The following CNTNAP2 variants were observed in gnomAD, a reference collection of about 807,000 sequenced individuals.
CNTNAP2 encodes contactin-associated protein-like 2.
CNTNAP2 carries 98 observed loss-of-function variants against 155.2 expected under a neutral mutation model. The observed-to-expected ratio is 0.63, with a 90% CI of 0.54 to 0.75. The LOEUF is 0.75. CNTNAP2 is among the 30% of genes least tolerant of loss of function. The pLI is 0.00. For synonymous variants in CNTNAP2, 651 were observed against 631.2 expected (o/e 1.03, Z -0.47); for missense variants, 1,727 against 1,688.1 (o/e 1.02, Z -0.40).
At chr7:147,397,769 A>ATT (rs1796843830) in intron 10 of CNTNAP2, among the ~76,000 whole-genome samples, 2 of 131,016 alleles carry the variant, frequency 1.5e-5, no homozygotes, top group East Asian at 4.2e-4. Flanking sequence ...AGATACACAA[A>ATT]ATTTTTTTTT....
chr7:147,666,129 C>T (rs1300590228), intron 13 of CNTNAP2, among the ~76,000 whole-genome samples: 1 of 152,140 alleles, frequency 6.6e-6, no homozygotes, highest in Non-Finnish European at 1.5e-5. Flanking sequence ...AGAAATATTA[C>T]CTTTAGCAAA....
intron 10 of CNTNAP2, among the ~76,000 whole-genome samples, chr7:147,450,785 G>A (rs576141056): frequency 1.3e-5 from 2 of 152,210 alleles, no homozygotes; most frequent in African/African-American, 2.4e-5. Context: ...TACTATTCTT[G>A]TATAAAGATG....
intron 11 of CNTNAP2, among the ~76,000 whole-genome samples, chr7:147,486,895 G>GTGTGTGTGTGTC (rs1207119508): frequency 1.3e-5 from 2 of 151,782 alleles, no homozygotes; most frequent in Non-Finnish European, 2.9e-5. Context: ...GTGCCTGTGT[G>GTGTGTGTGTGTC]TGTGTGTGTG....
chr7:147,866,592 T>C (rs1799233167), intron 13 of CNTNAP2, among the ~76,000 whole-genome samples: 1 of 152,212 alleles, frequency 6.6e-6, no homozygotes, highest in African/African-American at 2.4e-5. Flanking sequence ...GCTTTGTGAA[T>C]CTGGGTGCTC....
chr7:147,326,735 T>A (rs1375420113), intron 9 of CNTNAP2, among the ~76,000 whole-genome samples: 1 of 152,230 alleles, frequency 6.6e-6, no homozygotes, highest in Non-Finnish European at 1.5e-5. Flanking sequence ...TGGTAACAGC[T>A]CTTCTAGTGG....
intron 9 of CNTNAP2, chr7:147,378,116 G>C: frequency 2.3e-6 from 1 of 442,650 alleles, no homozygotes; most frequent in Non-Finnish European, 4.5e-6. Context: ...TAATACGTTA[G>C]AACTCATTTT....
At chr7:147,852,838 C>G (rs10488352) in intron 13 of CNTNAP2, among the ~76,000 whole-genome samples, 6,745 of 152,154 alleles carry the variant, frequency 0.044, 271 homozygotes, top group Admixed American at 0.12. Context: ...CTGGTTGAAA[C>G]CTAGACATTT....
chr7:146,234,699 G>C (rs1380622096), intron 1 of CNTNAP2, among the ~76,000 whole-genome samples: 3 of 151,998 alleles, frequency 2.0e-5, no homozygotes, highest in Non-Finnish European at 4.4e-5. Context: ...AGTTTTCCCA[G>C]CACCATTTAT....
At chr7:146,565,771 G>A (rs929365619) in intron 1 of CNTNAP2, among the ~76,000 whole-genome samples, 4 of 152,208 alleles carry the variant, frequency 2.6e-5, no homozygotes, top group South Asian at 2.1e-4. Flanking sequence ...CGATGTGAGT[G>A]GTTTTGACTC....
At chr7:147,568,101 A>G (rs1024045273) in intron 12 of CNTNAP2, among the ~76,000 whole-genome samples, 3 of 152,086 alleles carry the variant, frequency 2.0e-5, no homozygotes, top group African/African-American at 4.8e-5. Context: ...ATAAATAAAT[A>G]TAAAATAAAA....
At chr7:146,161,826 G>T (rs967335626) in intron 1 of CNTNAP2, among the ~76,000 whole-genome samples, 6 of 152,076 alleles carry the variant, frequency 3.9e-5, no homozygotes, top group Non-Finnish European at 7.3e-5. Context: ...ATAGACCAAT[G>T]GAACACAATA....
chr7:146,158,688 A>T (rs1562971229), intron 1 of CNTNAP2, among the ~76,000 whole-genome samples: 1 of 152,222 alleles, frequency 6.6e-6, no homozygotes, highest in Non-Finnish European at 1.5e-5. Context: ...AGAGAAGTTT[A>T]GGGAAAAAAG....
intron 2 of CNTNAP2, among the ~76,000 whole-genome samples, chr7:146,817,874 T>C (rs553397834): frequency 6.6e-6 from 1 of 151,908 alleles, no homozygotes; most frequent in Non-Finnish European, 1.5e-5. Flanking sequence ...TAAAACCATA[T>C]CAAATACTAA....
At chr7:146,641,418 T>C (rs1271630850) in intron 1 of CNTNAP2, among the ~76,000 whole-genome samples, 1 of 152,202 alleles carries the variant, frequency 6.6e-6, no homozygotes, top group Non-Finnish European at 1.5e-5. Context: ...TTCTAATAAT[T>C]TATAAGAGAA....
At chr7:147,715,833 C>T (rs1054015435) in intron 13 of CNTNAP2, among the ~76,000 whole-genome samples, 17 of 152,166 alleles carry the variant, frequency 1.1e-4, no homozygotes, top group African/African-American at 3.9e-4. Context: ...TTGTAAGCTG[C>T]GCACTTACAT....
intron 1 of CNTNAP2, among the ~76,000 whole-genome samples, chr7:146,213,211 G>T (rs73739554): frequency 6.6e-6 from 1 of 152,062 alleles, no homozygotes; most frequent in African/African-American, 2.4e-5. Flanking sequence ...TTCAATACAT[G>T]TCCAATTCTG....
At chr7:147,262,313 G>C (rs563853015) in intron 8 of CNTNAP2, among the ~76,000 whole-genome samples, 3 of 152,288 alleles carry the variant, frequency 2.0e-5, no homozygotes, top group Non-Finnish European at 2.9e-5. Context: ...TGTGTTACGG[G>C]CTGAACTGTG....
At chr7:146,892,235 T>C (rs1416994449) in intron 3 of CNTNAP2, among the ~76,000 whole-genome samples, 2 of 152,100 alleles carry the variant, frequency 1.3e-5, no homozygotes, top group Non-Finnish European at 2.9e-5. Context: ...TTTCTCCTCA[T>C]GTGGGCATTT....
intron 18 of CNTNAP2, among the ~76,000 whole-genome samples, chr7:148,196,207 T>G (rs1795275247): frequency 6.6e-6 from 1 of 152,120 alleles, no homozygotes; most frequent in Non-Finnish European, 1.5e-5. Flanking sequence ...CAAGGAACAA[T>G]CAAAAAAGAA....
Sources: gnomAD v4.1 joint callset for allele counts (sites outside exome capture counted in the v4.1 genomes callset) on GRCh38, gnomAD v4.1.1 for gene constraint, MANE v1.5 for transcripts, NCBI Gene and HGNC (gene_info 2026-07-23, HGNC 2026-07-21) for gene names.